SF3B3: variants seen among roughly 807,000 people sequenced by gnomAD.
SF3B3 encodes SAP 130.
Under a neutral mutation model 139.2 loss-of-function variants are expected in SF3B3, and 33 were observed. The ratio of observed to expected loss-of-function variants is 0.24; its 90% confidence interval spans 0.18 to 0.32. SF3B3 has a LOEUF of 0.32. Ranked by LOEUF, SF3B3 falls within the 10% of genes least tolerant of loss-of-function variation. The pLI is 1.00. For missense variants in SF3B3, 818 were observed against 1,509.4 expected (o/e 0.54, Z 7.59); for synonymous variants, 596 against 563.6 (o/e 1.06, Z -0.81).
At chr16:70,568,017 T>C (rs568044692) in intron 21 of SF3B3, among the ~76,000 whole-genome samples, 43 of 152,290 alleles carry the variant, frequency 2.8e-4, no homozygotes, top group African/African-American at 8.2e-4. Flanking sequence ...AGTAGAGGGA[T>C]CTCATTTCTT....
rs746045801 is a variant in SF3B3 at position 70,564,055 on chromosome 16, T to C, written c.2463+5T>C. 6.2e-6 allele frequency: 10 copies of C among 1,613,500 alleles called. No individual in the cohort carries two copies. On this transcript the variant is annotated splice_donor_5th_base_variant and intron_variant, in intron 18 of 25. Transcript: ENST00000302516. ...AGAAAGCAGCAGATGGCAGAGGTAATGAGACTAACGTTCAGGGGTTCTATT... is the reference window on the plus strand; with the variant it reads ...AGAAAGCAGCAGATGGCAGAGGTAACGAGACTAACGTTCAGGGGTTCTATT...
Position 70,574,097 on chromosome 16 carries a change from CTTG to C in SF3B3, c.*2287_*2289del, listed in dbSNP as rs1406213649. The C allele has an allele frequency of 2.0e-5, 3 of 152,292 alleles. No individual in the cohort carries two copies. Among genetic ancestry groups the C allele is most frequent in the African/African-American group, 7.2e-5 (3 of 41,566 alleles). The allele number at this position is 152,292 out of a possible 1,614,324, so 9.4% of individuals were successfully genotyped here. A position where few individuals can be genotyped will look rare whatever the true frequency, so the allele number is the denominator to read the frequency against. On this transcript the variant is annotated 3_prime_UTR_variant, in exon 26 of 26. Coordinates refer to ENST00000302516, the MANE Select transcript of SF3B3 (RefSeq NM_012426.5). ...TTCCCACGCTGCTGCCTTTCTTGAG[CTTG>C]TTAGAGGAAAGCCAGAAAGGCATTC...
chr16:70,525,763 C>G (rs34890962), intron 1 of SF3B3, among the ~76,000 whole-genome samples: 59,418 of 151,262 alleles, frequency 0.39, 12,227 homozygotes, highest in South Asian at 0.65. Context: ...GTCAGGAGAT[C>G]GAGACCATCC....
chr16:70,557,106 GA>G, intron 15 of SF3B3, 77 bp downstream of exon 15: 3 of 1,432,438 alleles, frequency 2.1e-6, no homozygotes, highest in Non-Finnish European at 2.8e-6. Flanking sequence ...TGATAACAGG[GA>G]TTTTCTCTGC....
intron 11 of SF3B3, among the ~76,000 whole-genome samples, chr16:70,553,388 A>G (rs913290229): frequency 4.6e-5 from 7 of 152,134 alleles, no homozygotes; most frequent in Non-Finnish European, 8.8e-5. Flanking sequence ...TGAGCTCTTG[A>G]CAAGTGCTTA....
intron 11 of SF3B3, 57 bp downstream of exon 11, chr16:70,548,499 G>T (rs1371183324): frequency 2.1e-6 from 3 of 1,415,722 alleles, no homozygotes; most frequent in African/African-American, 2.8e-5. Flanking sequence ...TGACATAGAA[G>T]GCTTGAAAGG....
Position 70,567,480 on chromosome 16 carries a change from C to G in SF3B3, c.2896C>G (p.Leu966Val), listed in dbSNP as rs774671604. Residue 966 changes from leucine (L) to valine (V), a missense_variant, in exon 21 of 26, where the codon CTG becomes GTG. This residue lies in a region of SF3B3 where 145 missense variants were observed against 153.6 expected (regional missense o/e 0.94). Transcript: ENST00000302516. ...GAGGGTGTTGATTGGTGTGGGGAAG[C>G]TGTTGCGTGTCTATGACCTGGGAAA... The part of the protein sequence containing the change: ...QGRVLIGVGK[L>V]LRVYDLGKKK... The G allele has an allele frequency of 3.7e-6, 6 of 1,613,806 alleles. No homozygotes were observed. The Admixed American group carries it at 5.0e-5, about 13-fold the overall frequency.
At chr16:70,567,113 G>C (rs1229935203) in intron 20 of SF3B3, among the ~76,000 whole-genome samples, 2 of 151,408 alleles carry the variant, frequency 1.3e-5, no homozygotes, top group Non-Finnish European at 2.9e-5. Flanking sequence ...ACAAATTACA[G>C]TCACTTGGCT....
intron 3 of SF3B3, among the ~76,000 whole-genome samples, chr16:70,530,001 G>A (rs1485586237): frequency 1.1e-5 from 1 of 91,590 alleles, no homozygotes; most frequent in Admixed American, 1.3e-4. Context: ...GGGTGTGGTG[G>A]TGGGTGCCTG....
At position 70,570,157 on chromosome 16, in the gene SF3B3, C is replaced by T. The variant is rs1227994758; in HGVS notation, c.3408+8C>T. 8 of 1,613,834 alleles carry T rather than the reference C, an allele frequency of 5.0e-6. No homozygotes were observed. Among genetic ancestry groups the T allele is most frequent in the Non-Finnish European group, 6.8e-6 (8 of 1,179,842 alleles). On this transcript the variant is annotated splice_region_variant and intron_variant, in intron 24 of 25. Transcript: ENST00000302516. ...CCATTCACGTCCCATGAGGTGAGAG[C>T]GCCCACATTACTCTGGCCTTGACTT...
Position 70,544,465 on chromosome 16 carries a change from CCA to C in SF3B3, c.1264_1265del (p.Gln422ValfsTer7). 1 of 1,612,362 alleles carries C rather than the reference CCA, an allele frequency of 6.2e-7. No homozygotes were observed. The highest frequency in any genetic ancestry group is 8.5e-7 in the Non-Finnish European group (1 of 1,178,432). ...QIADLANEDT[P>X]QLYVACGRGP... ...AGCTGATCTGGCCAATGAAGATACT[CCA>C]CAGTTGTATGTGGCCTGTGGTAGGG... On this transcript the variant is annotated frameshift_variant, in exon 10 of 26. Coordinates refer to ENST00000302516, the MANE Select transcript of SF3B3 (RefSeq NM_012426.5). LOFTEE classifies it high-confidence loss of function.
chr16:70,563,797 T>C, intron 17 of SF3B3, 79 bp from the exon 18 acceptor site: 4 of 1,383,104 alleles, frequency 2.9e-6, no homozygotes, highest in Non-Finnish European at 4.1e-6. Flanking sequence ...ACGTGTTTGC[T>C]GACTGCTCAA....
intron 11 of SF3B3, among the ~76,000 whole-genome samples, chr16:70,551,360 C>G (rs911577131): frequency 3.3e-5 from 5 of 152,092 alleles, no homozygotes; most frequent in South Asian, 2.1e-4. Context: ...GGTACAGTTC[C>G]TAGTCATTTA....
chr16:70,564,174 C>A, intron 18 of SF3B3, 124 bp downstream of exon 18: 1 of 925,574 alleles, frequency 1.1e-6, no homozygotes, highest in Non-Finnish European at 1.6e-6. Flanking sequence ...AGTTCGAGAC[C>A]AGCCTGGGCA....
Position 70,556,054 on chromosome 16 carries a change from G to A in SF3B3, c.1711-125G>A, listed in dbSNP as rs957672610. The A allele has an allele frequency of 1.1e-5, 10 of 904,034 alleles. No homozygotes were observed. The African/African-American group carries it at 1.5e-4, about 13-fold the overall frequency. 56.0% of individuals were successfully genotyped at this position (904,034 alleles called of 1,614,324 possible). A position where few individuals can be genotyped will look rare whatever the true frequency, so the allele number is the denominator to read the frequency against. On this transcript the variant is annotated intron_variant, in intron 13 of 25. Transcript: ENST00000302516. Reference sequence around the variant, plus strand: ...TGTCATTTACTATAGTAAGAGGAGTGAGAGGAAGCAGAACAAAATACAACA... The same window carrying A: ...TGTCATTTACTATAGTAAGAGGAGTAAGAGGAAGCAGAACAAAATACAACA...
intron 9 of SF3B3, among the ~76,000 whole-genome samples, chr16:70,543,435 C>T (rs1224700594): frequency 2.8e-5 from 4 of 141,376 alleles, no homozygotes; most frequent in Admixed American, 1.4e-4. Flanking sequence ...AGGCCGGTCA[C>T]GATGGCTTAC....
chr16:70,552,989 C>T (rs2050341922), intron 11 of SF3B3, among the ~76,000 whole-genome samples: 2 of 152,202 alleles, frequency 1.3e-5, no homozygotes, highest in South Asian at 2.1e-4. Context: ...CGGCTCACTG[C>T]GGCCTCCGCC....
intron 10 of SF3B3, among the ~76,000 whole-genome samples, chr16:70,545,980 T>TTTG: frequency 6.6e-6 from 1 of 152,302 alleles, no homozygotes; most frequent in South Asian, 2.1e-4. Context: ...TTTTTGGTTT[T>TTTG]TTGTTGTTGT....
Position 70,556,984 on chromosome 16 carries a change from T to G in SF3B3, c.1965T>G (p.Gly655=). 4 of 1,613,900 alleles carry G rather than the reference T, an allele frequency of 2.5e-6. No homozygotes were observed. The highest frequency in any genetic ancestry group is 3.4e-6 in the Non-Finnish European group (4 of 1,179,922). Reference sequence around the variant, plus strand: ...GGACTGAGAAGCAGGATGAGCTGGGTGAGAGGGGCTCGATTGGCTTCCTAT... The same window carrying G: ...GGACTGAGAAGCAGGATGAGCTGGGGGAGAGGGGCTCGATTGGCTTCCTAT... ...MGGTEKQDEL[G]ERGSIGFLYL... Residue 655 remains glycine, a synonymous_variant, in exon 15 of 26, where the codon GGT becomes GGG. Transcript: ENST00000302516.
Sources: allele counts gnomAD v4.1 joint callset (sites outside exome capture counted in the v4.1 genomes callset), GRCh38; gene constraint gnomAD v4.1.1; regional missense constraint gnomAD v4.1.1; transcripts MANE v1.5; gene names NCBI Gene and HGNC (gene_info 2026-07-23, HGNC 2026-07-21).